Variants in LDAH observed in about 807,000 individuals in gnomAD.
The protein encoded by LDAH is lipid droplet associated hydrolase.
Under a neutral mutation model 29.6 loss-of-function variants are expected in LDAH, and 26 were observed. The observed-to-expected ratio is 0.88, with a 90% CI of 0.64 to 1.22. The LOEUF is 1.22. LDAH is among the 50% of genes most tolerant of loss of function. The pLI, the probability that LDAH is intolerant of heterozygous loss-of-function variation, is 0.00. For synonymous variants in LDAH, 117 were observed against 133.0 expected (o/e 0.88, Z 0.83); for missense variants, 344 against 387.3 (o/e 0.89, Z 0.94).
chr2:20,793,261 T>C (rs1671090980), intron 2 of LDAH, among the ~76,000 whole-genome samples: 1 of 151,474 alleles, frequency 6.6e-6, no homozygotes, highest in South Asian at 2.1e-4. Context: ...GGTCACATGA[T>C]AGAGAAGGGA....
At chr2:20,774,741 G>C in intron 4 of LDAH, 69 bp downstream of exon 4, 1 of 1,464,814 alleles carries the variant, frequency 6.8e-7, no homozygotes, top group Non-Finnish European at 9.4e-7. Context: ...AAAGAACATA[G>C]GAAAGGTGAG....
chr2:20,722,560 A>G (rs956711452), intron 5 of LDAH, among the ~76,000 whole-genome samples: 26 of 152,070 alleles, frequency 1.7e-4, no homozygotes, highest in Admixed American at 3.9e-4. Flanking sequence ...AAATTATAGT[A>G]ATTGTATATT....
At chr2:20,809,919 T>G (rs951117357) in intron 1 of LDAH, among the ~76,000 whole-genome samples, 1 of 152,316 alleles carries the variant, frequency 6.6e-6, no homozygotes, top group South Asian at 2.1e-4. Context: ...AAACAGGTTT[T>G]CCAAGGAACA....
chr2:20,786,595 T>C (rs1436328987), intron 3 of LDAH, among the ~76,000 whole-genome samples: 1 of 152,140 alleles, frequency 6.6e-6, no homozygotes, highest in East Asian at 1.9e-4. Context: ...CCCTAAGAAC[T>C]CCTTCTTAAA....
chr2:20,802,209 ACCACCACG>A (rs1671757883), intron 1 of LDAH, among the ~76,000 whole-genome samples: 2 of 151,860 alleles, frequency 1.3e-5, no homozygotes, highest in African/African-American at 4.8e-5. Context: ...ACAGGCACGT[ACCACCACG>A]CCTGGCTAAT....
chr2:20,753,318 AG>A (rs1339144462), intron 4 of LDAH, among the ~76,000 whole-genome samples: 1 of 152,232 alleles, frequency 6.6e-6, no homozygotes, highest in African/African-American at 2.4e-5. Context: ...AACTTGTACT[AG>A]GTTGACTTGG....
At chr2:20,786,048 T>G (rs1363729167) in intron 3 of LDAH, among the ~76,000 whole-genome samples, 2 of 152,062 alleles carry the variant, frequency 1.3e-5, no homozygotes, top group Admixed American at 6.5e-5. Context: ...CTTCAGACTG[T>G]TTTTTCTTAC....
At chr2:20,815,657 A>C (rs1235475527) in intron 1 of LDAH, among the ~76,000 whole-genome samples, 5 of 152,110 alleles carry the variant, frequency 3.3e-5, no homozygotes, top group Admixed American at 6.5e-5. Flanking sequence ...AGAACTGTCA[A>C]GGCCAAATTC....
At chr2:20,752,373 G>T (rs1257479470) in intron 4 of LDAH, among the ~76,000 whole-genome samples, 2 of 152,164 alleles carry the variant, frequency 1.3e-5, no homozygotes, top group African/African-American at 4.8e-5. Context: ...GACAGGGAGG[G>T]AGGGAAGGGA....
intron 5 of LDAH, among the ~76,000 whole-genome samples, chr2:20,712,347 C>T (rs1173837790): frequency 1.3e-5 from 2 of 152,172 alleles, no homozygotes; most frequent in Non-Finnish European, 2.9e-5. Context: ...TCAACATCAA[C>T]CAAAAGGACA....
At chr2:20,771,301 C>T (rs1370120884) in intron 4 of LDAH, among the ~76,000 whole-genome samples, 1 of 152,132 alleles carries the variant, frequency 6.6e-6, no homozygotes, top group Non-Finnish European at 1.5e-5. Context: ...AATAAACCAG[C>T]TAGCTACTAA....
intron 3 of LDAH, among the ~76,000 whole-genome samples, chr2:20,784,379 C>T (rs538849258): frequency 1.6e-4 from 25 of 152,110 alleles, no homozygotes; most frequent in African/African-American, 6.0e-4. Flanking sequence ...TGCACTCCAG[C>T]CTGGGTGACA....
chr2:20,816,106 C>A (rs1272223772), intron 1 of LDAH, among the ~76,000 whole-genome samples: 2 of 151,954 alleles, frequency 1.3e-5, no homozygotes, highest in Non-Finnish European at 2.9e-5. Context: ...ACCCAAAGCA[C>A]ACTAAAAAAG....
At chr2:20,726,837 T>C (rs898452025) in intron 5 of LDAH, among the ~76,000 whole-genome samples, 8 of 152,190 alleles carry the variant, frequency 5.3e-5, no homozygotes, top group African/African-American at 1.4e-4. Context: ...ACTGGAGGTG[T>C]TGTATGATTT....
Position 20,684,587 on chromosome 2 carries a change from T to C in LDAH, c.*2316A>G. ...GGATGAAGAAAAATCAAGCCTTTGG[T>C]GGTCCGTGTCTCTCCAAAGGTTGAG... On this transcript the variant is annotated 3_prime_UTR_variant, in exon 7 of 7. Transcript: ENST00000237822. 3.9e-6 allele frequency: 1 copy of C among 256,538 alleles called. No individual in the cohort carries two copies. Among genetic ancestry groups the C allele is most frequent in the Non-Finnish European group, 7.3e-6 (1 of 136,442 alleles). The allele number at this position is 256,538 out of a possible 1,614,324, so 15.9% of individuals were successfully genotyped here. A position where few individuals can be genotyped will look rare whatever the true frequency, so the allele number is the denominator to read the frequency against.
At chr2:20,719,485 A>G (rs1165000543) in intron 5 of LDAH, among the ~76,000 whole-genome samples, 1 of 152,090 alleles carries the variant, frequency 6.6e-6, no homozygotes, top group Non-Finnish European at 1.5e-5. Context: ...AATAATAATA[A>G]TAAGTCTCCC....
At chr2:20,715,018 C>T (rs1363996955) in intron 5 of LDAH, among the ~76,000 whole-genome samples, 1 of 152,192 alleles carries the variant, frequency 6.6e-6, no homozygotes, top group African/African-American at 2.4e-5. Context: ...GGGAATCCTC[C>T]CTAACTCATT....
intron 5 of LDAH, among the ~76,000 whole-genome samples, chr2:20,718,003 TAA>T (rs1446970073): frequency 2.6e-5 from 4 of 152,182 alleles, no homozygotes; most frequent in Non-Finnish European, 5.9e-5. Context: ...AGCACTATAG[TAA>T]CCCAAAGCAA....
chr2:20,792,858 A>G (rs1197077661), intron 2 of LDAH, among the ~76,000 whole-genome samples: 1 of 152,190 alleles, frequency 6.6e-6, no homozygotes, highest in Admixed American at 6.5e-5. Flanking sequence ...ACCATGGCAC[A>G]TGTATACCTA....
Sources: gnomAD v4.1 joint callset for allele counts (sites outside exome capture counted in the v4.1 genomes callset) on GRCh38, gnomAD v4.1.1 for gene constraint, MANE v1.5 for transcripts, NCBI Gene and HGNC (gene_info 2026-07-23, HGNC 2026-07-21) for gene names.